DENND1B: variants seen among roughly 807,000 people sequenced by gnomAD.
DENND1B encodes DENN domain-containing protein 1B.
In DENND1B, 59 loss-of-function variants were observed where a neutral mutation model predicts 90.1. That is an observed-to-expected ratio of 0.65 (90% CI 0.53 to 0.81). DENND1B has a LOEUF of 0.81. Ranked by LOEUF, DENND1B falls within the 40% of genes least tolerant of loss-of-function variation. The probability of loss-of-function intolerance (pLI) is 0.00; values close to 1 mark genes in which losing one functional copy is unlikely to be tolerated. For synonymous variants in DENND1B, 337 were observed against 324.6 expected, an observed-to-expected ratio of 1.04 and a Z score of -0.41; for missense variants, 862 against 912.6, an observed-to-expected ratio of 0.94 and a Z score of 0.71.
At chr1:197,620,517 T>C (rs1272478851) in intron 10 of DENND1B, among the ~76,000 whole-genome samples, 1 of 151,298 alleles carries the variant, frequency 6.6e-6, no homozygotes, top group Non-Finnish European at 1.5e-5. Context: ...CTATCTTTTT[T>C]ATATTCTTAT....
chr1:197,628,291 G>A (rs142839416), intron 10 of DENND1B, among the ~76,000 whole-genome samples: 1,599 of 152,292 alleles, frequency 0.01, 34 homozygotes, highest in African/African-American at 0.037. Context: ...CAAGGCTATA[G>A]TAACCAAAAC....
chr1:197,677,070 G>T (rs1208467473), intron 3 of DENND1B, among the ~76,000 whole-genome samples: 1 of 151,920 alleles, frequency 6.6e-6, no homozygotes, highest in Non-Finnish European at 1.5e-5. Flanking sequence ...TAGAACAAAG[G>T]TCTTTGAATT....
intron 3 of DENND1B, among the ~76,000 whole-genome samples, chr1:197,700,793 T>C (rs1658945506): frequency 6.6e-6 from 1 of 152,092 alleles, no homozygotes; most frequent in Non-Finnish European, 1.5e-5. Flanking sequence ...CAACAGACAC[T>C]ACTCAAAAGA....
chr1:197,745,196 T>C (rs1663595847), intron 2 of DENND1B, among the ~76,000 whole-genome samples: 1 of 152,226 alleles, frequency 6.6e-6, no homozygotes, highest in Non-Finnish European at 1.5e-5. Flanking sequence ...GCACTTTTCA[T>C]TTCCTTCAAG....
chr1:197,657,291 T>A (rs1016127040), intron 6 of DENND1B, among the ~76,000 whole-genome samples: 1 of 152,190 alleles, frequency 6.6e-6, no homozygotes, highest in Non-Finnish European at 1.5e-5. Context: ...TTTGACTCAA[T>A]ACCTATTTGC....
intron 2 of DENND1B, chr1:197,735,696 T>C: frequency 6.2e-7 from 1 of 1,614,076 alleles, no homozygotes; most frequent in Non-Finnish European, 8.5e-7. Flanking sequence ...CGGGAGGCGC[T>C]ACGCCAGGAC....
intron 2 of DENND1B, among the ~76,000 whole-genome samples, chr1:197,728,445 A>G (rs1296413082): frequency 2.6e-5 from 4 of 152,188 alleles, no homozygotes; most frequent in African/African-American, 7.2e-5. Flanking sequence ...AATTTTCCCA[A>G]TGACTTGATT....
intron 16 of DENND1B, among the ~76,000 whole-genome samples, chr1:197,548,813 G>C (rs1671006486): frequency 6.6e-6 from 1 of 152,104 alleles, no homozygotes; most frequent in African/African-American, 2.4e-5. Flanking sequence ...AAGGTTAATA[G>C]AGAGAATTAC....
At chr1:197,512,784 T>A (rs1487939481) in intron 21 of DENND1B, 87 bp downstream of exon 21, 2 of 1,198,980 alleles carry the variant, frequency 1.7e-6, no homozygotes, top group African/African-American at 3.0e-5. Context: ...GCTCTAAGAG[T>A]GCATACTCTT....
intron 7 of DENND1B, 105 bp downstream of exon 7, chr1:197,652,130 G>C (rs1021521511): frequency 9.4e-6 from 8 of 851,588 alleles, no homozygotes; most frequent in African/African-American, 8.8e-5. Flanking sequence ...AGTCTTCCTG[G>C]AAGCAGAGAT....
In DENND1B at chr1:197,691,756, C is replaced by A. The variant is rs555263640; in HGVS notation, c.127-17587G>T. ...ATAGTGAAAATGTGTTATATACATACAATGGAAAATTACTCAGCCTTAAAA... is the reference window on the plus strand; with the variant it reads ...ATAGTGAAAATGTGTTATATACATAAAATGGAAAATTACTCAGCCTTAAAA... On this transcript the variant is annotated intron_variant, in intron 3 of 22. Coordinates refer to ENST00000620048, the MANE Select transcript of DENND1B (RefSeq NM_001195215.2). Among the ~76,000 whole-genome samples the A allele has an allele frequency of 8.6e-5, 13 of 151,886 alleles. No individual in the cohort carries two copies. In the South Asian group the frequency reaches 2.7e-3, roughly 32 times the overall value.
intron 18 of DENND1B, 61 bp from the exon 19 acceptor site, chr1:197,541,076 G>A (rs994155432): frequency 1.4e-6 from 2 of 1,391,012 alleles, no homozygotes; most frequent in African/African-American, 2.9e-5. Context: ...TAAAGAATAA[G>A]TATACAAGAT....
intron 15 of DENND1B, among the ~76,000 whole-genome samples, chr1:197,554,832 CAAAAAAAAAAA>C (rs11440581): frequency 2.9e-5 from 2 of 69,402 alleles, no homozygotes; most frequent in African/African-American, 6.4e-5. Context: ...GACTCCATCT[CAAAAAAAAAAA>C]AAAAAAAAAA....
intron 2 of DENND1B, among the ~76,000 whole-genome samples, chr1:197,728,299 C>T (rs1661836294): frequency 6.6e-6 from 1 of 152,124 alleles, no homozygotes; most frequent in African/African-American, 2.4e-5. Context: ...AAACCTTCTG[C>T]CATTTTTCAA....
chr1:197,760,951 T>G (rs947716535), intron 2 of DENND1B, among the ~76,000 whole-genome samples: 1 of 152,160 alleles, frequency 6.6e-6, no homozygotes, highest in Non-Finnish European at 1.5e-5. Flanking sequence ...CAGTAATCAT[T>G]AAAAGTTGGA....
At chr1:197,525,242 T>C (rs1482891307) in intron 20 of DENND1B, among the ~76,000 whole-genome samples, 1 of 152,156 alleles carries the variant, frequency 6.6e-6, no homozygotes, top group Non-Finnish European at 1.5e-5. Context: ...TAAAATACAT[T>C]GTTTCATTAT....
intron 18 of DENND1B, among the ~76,000 whole-genome samples, chr1:197,545,093 G>A (rs1670705493): frequency 7.1e-6 from 1 of 141,714 alleles, no homozygotes; most frequent in Non-Finnish European, 1.5e-5. Context: ...ATCTTGGAAT[G>A]TTTTAAGAAA....
chr1:197,521,254 T>A (rs903833006), intron 20 of DENND1B, among the ~76,000 whole-genome samples: 2 of 151,864 alleles, frequency 1.3e-5, no homozygotes, highest in African/African-American at 4.8e-5. Context: ...TTCCAGAAAG[T>A]GAATCAGAAA....
intron 14 of DENND1B, among the ~76,000 whole-genome samples, chr1:197,586,432 A>T (rs1674705300): frequency 6.6e-6 from 1 of 152,162 alleles, no homozygotes; most frequent in Non-Finnish European, 1.5e-5. Context: ...TTATACATAT[A>T]CCTCACATAA....
Sources: allele counts gnomAD v4.1 joint callset (sites outside exome capture counted in the v4.1 genomes callset), GRCh38; gene constraint gnomAD v4.1.1; transcripts MANE v1.5; gene names NCBI Gene and HGNC (gene_info 2026-07-23, HGNC 2026-07-21).